ALK: variants seen among roughly 807,000 people sequenced by gnomAD.
The protein encoded by ALK is ALK receptor tyrosine kinase, also known as ALK tyrosine kinase receptor.
In ALK, 74 loss-of-function variants were observed where a neutral mutation model predicts 163.1. The ratio of observed to expected loss-of-function variants is 0.45; its 90% CI spans 0.38 to 0.55. The LOEUF is 0.55. Among genes scored for constraint, ALK ranks in the 20% least tolerant of loss-of-function variants. ALK has a pLI of 0.00. For missense variants in ALK, 2,063 were observed against 2,105.3 expected (o/e 0.98, Z 0.39); for synonymous variants, 960 against 843.2 (o/e 1.14, Z -2.40).
At chr2:29,574,068 A>T (rs1242063975) in intron 3 of ALK, among the ~76,000 whole-genome samples, 2 of 151,238 alleles carry the variant, frequency 1.3e-5, no homozygotes, top group African/African-American at 4.9e-5. Context: ...AAAAAAATAA[A>T]AAAAAAAATG....
At position 29,827,600 on chromosome 2, in the gene ALK, T is replaced by C. The variant is rs558407144; in HGVS notation, c.667+92393A>G. 6.4e-4 allele frequency among the ~76,000 whole-genome samples: 97 copies of C among 152,306 alleles called. 1 individual carries two copies. Among genetic ancestry groups the C allele is most frequent in the African/African-American group, 2.2e-3 (92 of 41,558 alleles). ...TAGGCTCAAACCCTATGTGAGGTGATTTACTACTCCTACTAAGAAACTGAT... is the reference window on the plus strand; with the variant it reads ...TAGGCTCAAACCCTATGTGAGGTGACTTACTACTCCTACTAAGAAACTGAT... On this transcript the variant is annotated intron_variant, in intron 1 of 28. Transcript: ENST00000389048.
intron 4 of ALK, among the ~76,000 whole-genome samples, chr2:29,529,836 C>T (rs772483208): frequency 6.6e-6 from 1 of 152,184 alleles, no homozygotes; most frequent in Non-Finnish European, 1.5e-5. Context: ...TGCCTCAGCT[C>T]AGTCCCAATT....
chr2:29,480,247 G>GC (rs1671629960), intron 4 of ALK, among the ~76,000 whole-genome samples: 1 of 152,164 alleles, frequency 6.6e-6, no homozygotes, highest in African/African-American at 2.4e-5. Context: ...TGAGGCTGAA[G>GC]GAGGATGAGG....
At chr2:29,365,599 T>A (rs1668485386) in intron 5 of ALK, among the ~76,000 whole-genome samples, 1 of 152,254 alleles carries the variant, frequency 6.6e-6, no homozygotes, top group African/African-American at 2.4e-5. Flanking sequence ...TCTTCAGTCA[T>A]CATCTTTTGC....
chr2:29,803,521 G>A (rs935838532), intron 1 of ALK, among the ~76,000 whole-genome samples: 5 of 152,174 alleles, frequency 3.3e-5, no homozygotes, highest in Non-Finnish European at 5.9e-5. Flanking sequence ...AGCCATATCC[G>A]CCTCTGTTTA....
At chr2:29,309,237 G>A (rs1666629864) in intron 8 of ALK, among the ~76,000 whole-genome samples, 1 of 152,186 alleles carries the variant, frequency 6.6e-6, no homozygotes, top group African/African-American at 2.4e-5. Flanking sequence ...GCTGGAGGGA[G>A]TGTGTGCTCT....
At chr2:29,566,087 G>A (rs557659787) in intron 3 of ALK, among the ~76,000 whole-genome samples, 7 of 152,242 alleles carry the variant, frequency 4.6e-5, no homozygotes, top group South Asian at 2.1e-4. Flanking sequence ...GACAAAAGCC[G>A]GGACAGGATG....
At chr2:29,651,619 T>G (rs969372675) in intron 3 of ALK, among the ~76,000 whole-genome samples, 3 of 152,184 alleles carry the variant, frequency 2.0e-5, no homozygotes, top group African/African-American at 7.2e-5. Context: ...GGCTTCTGTG[T>G]GCTGTTTTGC....
chr2:29,279,487 G>A (rs1026457040), intron 9 of ALK, among the ~76,000 whole-genome samples: 3 of 152,186 alleles, frequency 2.0e-5, no homozygotes. Flanking sequence ...GGCAGGAGCA[G>A]AGGCCGTCTA....
intron 24 of ALK, among the ~76,000 whole-genome samples, chr2:29,211,132 C>A (rs1194154243): frequency 6.6e-6 from 1 of 152,112 alleles, no homozygotes; most frequent in Non-Finnish European, 1.5e-5. Flanking sequence ...AAAAAAGGAT[C>A]TTGATTGGGG....
rs1664026572 is a variant in ALK, at chr2:29,227,131, C to G, written c.2915-57G>C. The G allele has an allele frequency of 6.2e-7, 1 of 1,612,244 alleles. No homozygotes were observed. The highest frequency in any genetic ancestry group is 8.5e-7 in the Non-Finnish European group (1 of 1,178,716). ...CCGAGCCTGCCTCCCCACTCCCAGC[C>G]TCAGTACTATGTCTCCAGGTGGTCA... is the stretch of plus-strand genomic sequence containing the variant. On this transcript the variant is annotated intron_variant, in intron 17 of 28. Coordinates refer to ENST00000389048, the MANE Select transcript of ALK (RefSeq NM_004304.5). The surrounding 1 kb of genome is among the most constrained non-coding windows in gnomAD (Gnocchi z 4.4).
intron 4 of ALK, among the ~76,000 whole-genome samples, chr2:29,487,852 T>G (rs1206530314): frequency 6.6e-6 from 1 of 152,102 alleles, no homozygotes; most frequent in Non-Finnish European, 1.5e-5. Context: ...AGCTTATGCA[T>G]CTCCCTCTCT....
At chr2:29,692,420 TTTC>T (rs1678425899) in intron 3 of ALK, among the ~76,000 whole-genome samples, 1 of 152,234 alleles carries the variant, frequency 6.6e-6, no homozygotes, top group African/African-American at 2.4e-5. Context: ...CAAGGACTAG[TTTC>T]TTGGAAGACA....
rs1320481607 is a variant in ALK at position 29,288,958 on chromosome 2, ATAAATAAATAAATAAAT to A, written c.1817+7913_1817+7929del. On this transcript the variant is annotated intron_variant, in intron 9 of 28. Transcript: ENST00000389048. ...CAGAGGGAGACTCCTTCTCAAAAAA[ATAAATAAATAAATAAAT>A]AAATAAATAAATAAATAAATAAATA... Among the ~76,000 whole-genome samples, 58 of 112,920 alleles carry A rather than the reference ATAAATAAATAAATAAAT, an allele frequency of 5.1e-4. 8 individuals are homozygous for A. The highest frequency in any genetic ancestry group is 5.1e-3 in the Middle Eastern group (1 of 198). The allele number at this position is 112,920 out of a possible 152,430, so 74.1% of individuals were successfully genotyped here. A position where few individuals can be genotyped will look rare whatever the true frequency, so the allele number is the denominator to read the frequency against.
At chr2:29,846,126 C>A (rs1394659472) in intron 1 of ALK, among the ~76,000 whole-genome samples, 1 of 152,164 alleles carries the variant, frequency 6.6e-6, no homozygotes, top group East Asian at 1.9e-4. Context: ...CTGGCCCTGC[C>A]AATCTCTCTG....
chr2:29,193,334 C>T lies in ALK; in HGVS notation c.4753G>A (p.Gly1585Ser), dbSNP rs1573077410. The T allele has an allele frequency of 1.2e-6, 2 of 1,614,138 alleles. No individual in the cohort carries two copies. Among genetic ancestry groups the T allele is most frequent in the Non-Finnish European group, 1.7e-6 (2 of 1,180,012 alleles). ...RHFPCGNVNY[G>S]YQQQGLPLEA... ...AAGGGCAAGCCCTGTTGCTGGTAGC[C>T]GTAATTGACATTCCCACAAGGGAAG... The change falls in exon 29 of 29, where the codon GGC (glycine) becomes AGC (serine). Residue 1585 changes from glycine to serine, a missense_variant. By Grantham distance (56) the Gly-to-Ser change is moderately conservative. Transcript: ENST00000389048.
rs914451501 is a variant in ALK at position 29,210,494 on chromosome 2, G to A, written c.3744-616C>T. ...GTTACCCAGGCTGGAGTGCAGTGGT[G>A]CGATCTTGGCTCACTGCAACCTCTG... is the stretch of plus-strand genomic sequence containing the variant. On this transcript the variant is annotated intron_variant, in intron 24 of 28. Coordinates refer to ENST00000389048, the MANE Select transcript of ALK (RefSeq NM_004304.5). Among the ~76,000 whole-genome samples the A allele has an allele frequency of 2.6e-5, 4 of 152,098 alleles. No individual in the cohort carries two copies. The East Asian group carries it at 7.7e-4, about 29-fold the overall frequency.
At chr2:29,320,054 C>T (rs974244351) in intron 7 of ALK, among the ~76,000 whole-genome samples, 8 of 152,248 alleles carry the variant, frequency 5.3e-5, no homozygotes, top group African/African-American at 1.4e-4. Context: ...AGCAGCCTAA[C>T]GTTGGGAGCT....
intron 2 of ALK, among the ~76,000 whole-genome samples, chr2:29,714,092 G>A (rs1019858665): frequency 6.6e-6 from 1 of 152,096 alleles, no homozygotes; most frequent in Non-Finnish European, 1.5e-5. Context: ...TTTTATCTGA[G>A]TAGGTAGTTA....
Sources: allele counts gnomAD v4.1 joint callset (sites outside exome capture counted in the v4.1 genomes callset), GRCh38; gene constraint gnomAD v4.1.1; non-coding constraint Gnocchi (gnomAD v3.1); transcripts MANE v1.5; gene names NCBI Gene and HGNC (gene_info 2026-07-23, HGNC 2026-07-21).